The following PTPRN2 variants were observed in gnomAD, a reference collection of about 807,000 sequenced individuals.
PTPRN2 encodes protein tyrosine phosphatase receptor type N2.
Under a neutral mutation model 118.8 loss-of-function variants are expected in PTPRN2, and 74 were observed. The ratio of observed to expected loss-of-function variants is 0.62; its 90% CI spans 0.52 to 0.76. The LOEUF (loss-of-function observed/expected upper bound fraction) is 0.76, where lower values mean the gene tolerates loss of function less well. Among genes scored for constraint, PTPRN2 ranks in the 30% least tolerant of loss-of-function variants. The probability of loss-of-function intolerance (pLI) is 0.00; values close to 1 mark genes in which losing one functional copy is unlikely to be tolerated. For synonymous variants in PTPRN2, 641 were observed against 608.0 expected (o/e 1.05, Z -0.80); for missense variants, 1,481 against 1,394.4 (o/e 1.06, Z -0.99).
chr7:158,481,660 C>T (rs1211984875), intron 2 of PTPRN2, among the ~76,000 whole-genome samples: 2 of 152,176 alleles, frequency 1.3e-5, no homozygotes, highest in Non-Finnish European at 2.9e-5. Flanking sequence ...GACAGGGTTT[C>T]ACCATCTTGG....
intron 12 of PTPRN2, among the ~76,000 whole-genome samples, chr7:157,853,881 T>G (rs1291657225): frequency 6.6e-6 from 1 of 152,160 alleles, no homozygotes; most frequent in Admixed American, 6.5e-5. Context: ...GGGCGGGCCC[T>G]AATCCAACAA....
At chr7:158,528,014 T>G (rs1255806977) in intron 1 of PTPRN2, among the ~76,000 whole-genome samples, 2 of 152,112 alleles carry the variant, frequency 1.3e-5, no homozygotes, top group East Asian at 3.8e-4. Flanking sequence ...AGCAGGACAC[T>G]CAGTCTAAAC....
rs1289443758 is a variant in PTPRN2, at chr7:157,610,568, G to T, written c.2345-6493C>A. ...GAGGGCTGCAAAGGCACATCCCGGG[G>T]CTGCTGGCCGTCAGCAAGGGCCGTC... On this transcript the variant is annotated intron_variant, in intron 15 of 22. Transcript: ENST00000389418. The surrounding 1 kb of genome is among the most constrained non-coding windows in gnomAD (Gnocchi z 5.1). 6.6e-6 allele frequency among the ~76,000 whole-genome samples: 1 copy of T among 152,186 alleles called. No homozygotes were observed. Among genetic ancestry groups the T allele is most frequent in the Non-Finnish European group, 1.5e-5 (1 of 68,032 alleles).
chr7:158,551,185 C>T (rs1011526736), intron 1 of PTPRN2, among the ~76,000 whole-genome samples: 4 of 152,250 alleles, frequency 2.6e-5, no homozygotes, highest in African/African-American at 9.6e-5. Flanking sequence ...GGTGAGGGCC[C>T]TATTCCCACT....
intron 12 of PTPRN2, among the ~76,000 whole-genome samples, chr7:157,819,488 C>T (rs1489850659): frequency 6.6e-6 from 1 of 151,932 alleles, no homozygotes; most frequent in African/African-American, 2.4e-5. Flanking sequence ...GAGCACACAC[C>T]GAGCGGCCGC....
intron 13 of PTPRN2, among the ~76,000 whole-genome samples, chr7:157,659,643 G>A (rs957888379): frequency 1.6e-4 from 24 of 151,880 alleles, no homozygotes; most frequent in African/African-American, 5.6e-4. Context: ...TTAAAATAGT[G>A]AGTGTGTTTA....
At chr7:158,147,280 G>A (rs1264678547) in intron 6 of PTPRN2, among the ~76,000 whole-genome samples, 1 of 108,312 alleles carries the variant, frequency 9.2e-6, no homozygotes, top group African/African-American at 3.7e-5. Context: ...CTCACGCCAC[G>A]TGTCTTTCCC....
intron 12 of PTPRN2, among the ~76,000 whole-genome samples, chr7:157,876,146 C>G (rs1795754710): frequency 6.6e-6 from 1 of 152,246 alleles, no homozygotes; most frequent in Non-Finnish European, 1.5e-5. Context: ...ACCCTCCCTC[C>G]TCTCCACGAG....
At chr7:158,437,331 C>T (rs1816638476) in intron 2 of PTPRN2, among the ~76,000 whole-genome samples, 1 of 152,186 alleles carries the variant, frequency 6.6e-6, no homozygotes. Context: ...TCCACTTACC[C>T]TTTATTTTCT....
At chr7:157,547,422 A>C (rs1050196325) in intron 22 of PTPRN2, among the ~76,000 whole-genome samples, 7 of 152,084 alleles carry the variant, frequency 4.6e-5, no homozygotes, top group African/African-American at 1.7e-4. Flanking sequence ...CTTCCATGGC[A>C]CAAAACCTGG....
Position 158,083,970 on chromosome 7 carries a change from G to A in PTPRN2, c.1644-2593C>T, listed in dbSNP as rs1161719207. On this transcript the variant is annotated intron_variant, in intron 10 of 22. Coordinates refer to ENST00000389418, the MANE Select transcript of PTPRN2 (RefSeq NM_002847.5). The stretch of plus-strand genomic sequence containing the variant: ...TGACGTGGGAAGAAGTCTCTATCCC[G>A]AGGCCCCACTACAGGTCTAACTCCA... Among the ~76,000 whole-genome samples the A allele has an allele frequency of 1.5e-4, 5 of 33,368 alleles. No homozygotes were observed. In the East Asian group the frequency reaches 0.011, roughly 75 times the overall value. 21.9% of individuals were successfully genotyped at this position (33,368 alleles called of 152,430 possible). A position where few individuals can be genotyped will look rare whatever the true frequency, so the allele number is the denominator to read the frequency against.
At chr7:157,662,341 T>G (rs1472156800) in intron 13 of PTPRN2, among the ~76,000 whole-genome samples, 1 of 152,234 alleles carries the variant, frequency 6.6e-6, no homozygotes, top group African/African-American at 2.4e-5. Context: ...CTATGGTCCC[T>G]TGCCGAGTCA....
At chr7:157,657,246 CAT>C (rs1402780375) in intron 13 of PTPRN2, among the ~76,000 whole-genome samples, 1 of 121,052 alleles carries the variant, frequency 8.3e-6, no homozygotes, top group East Asian at 2.5e-4. Context: ...ACACCACACA[CAT>C]CACACATATA....
intron 1 of PTPRN2, among the ~76,000 whole-genome samples, chr7:158,528,630 CA>C (rs61207351): frequency 0.046 from 6,236 of 134,988 alleles, 369 homozygotes; most frequent in African/African-American, 0.14. Context: ...ACTAAAAATA[CA>C]AAAAAAAAAA....
intron 2 of PTPRN2, among the ~76,000 whole-genome samples, chr7:158,415,936 T>A (rs533195853): frequency 6.6e-6 from 1 of 152,290 alleles, no homozygotes; most frequent in Non-Finnish European, 1.5e-5. Context: ...CACCCCTGTG[T>A]CTGCTGTGGC....
chr7:158,172,256 G>T (rs1823767352), intron 5 of PTPRN2, among the ~76,000 whole-genome samples: 1 of 152,112 alleles, frequency 6.6e-6, no homozygotes, highest in African/African-American at 2.4e-5. Flanking sequence ...TTCACCACCT[G>T]CAAAACTAGA....
intron 12 of PTPRN2, among the ~76,000 whole-genome samples, chr7:157,719,322 C>G (rs900796793): frequency 6.6e-6 from 1 of 152,232 alleles, no homozygotes; most frequent in South Asian, 2.1e-4. Flanking sequence ...GAGCGGAGAT[C>G]GTGCTTCCCA....
At chr7:158,562,753 C>T (rs1033912048) in intron 1 of PTPRN2, among the ~76,000 whole-genome samples, 2 of 152,110 alleles carry the variant, frequency 1.3e-5, no homozygotes, top group Non-Finnish European at 2.9e-5. Flanking sequence ...CTTGGAAGAC[C>T]GCTGGCCTGA....
chr7:158,477,109 C>G (rs1185239467), intron 2 of PTPRN2, among the ~76,000 whole-genome samples: 5 of 152,214 alleles, frequency 3.3e-5, no homozygotes, highest in Non-Finnish European at 5.9e-5. Flanking sequence ...GACTGCCAGT[C>G]ACACGGAGTG....
Sources: gnomAD v4.1 joint callset for allele counts (sites outside exome capture counted in the v4.1 genomes callset) on GRCh38, gnomAD v4.1.1 for gene constraint, Gnocchi (gnomAD v3.1) non-coding constraint, MANE v1.5 for transcripts, NCBI Gene and HGNC (gene_info 2026-07-23, HGNC 2026-07-21) for gene names.